Variants in RASA2 observed in about 807,000 individuals in gnomAD.
RASA2 encodes the protein RAS p21 protein activator 2.
A neutral mutation model predicts 118.2 loss-of-function variants in RASA2; 155 were observed. That is an observed-to-expected ratio of 1.31 (90% confidence interval 1.15 to 1.50). The LOEUF is 1.50. Among genes scored for constraint, RASA2 ranks in the 40% most tolerant of loss-of-function variants. RASA2 has a pLI of 0.00. For synonymous variants in RASA2, 353 were observed against 349.1 expected (o/e 1.01, Z -0.12); for missense variants, 1,016 against 1,009.6 (o/e 1.01, Z -0.09).
At chr3:141,497,957 T>C (rs2081728121) in intron 1 of RASA2, among the ~76,000 whole-genome samples, 1 of 152,222 alleles carries the variant, frequency 6.6e-6, no homozygotes, top group Admixed American at 6.5e-5. Flanking sequence ...AAAAACTTTT[T>C]AAAATTTTAA....
chr3:141,563,204 A>G (rs923816972), intron 9 of RASA2, among the ~76,000 whole-genome samples: 6 of 152,200 alleles, frequency 3.9e-5, no homozygotes, highest in African/African-American at 1.4e-4. Context: ...GAGCAACTGA[A>G]TGCTACTTTC....
chr3:141,520,384 C>G (rs889041232), intron 3 of RASA2, among the ~76,000 whole-genome samples: 2 of 152,032 alleles, frequency 1.3e-5, no homozygotes, highest in Non-Finnish European at 2.9e-5. Flanking sequence ...TGTGGTGTAC[C>G]TGCTGGAGGA....
intron 4 of RASA2, among the ~76,000 whole-genome samples, chr3:141,536,504 G>A (rs1219252497): frequency 6.6e-6 from 1 of 151,952 alleles, no homozygotes; most frequent in Non-Finnish European, 1.5e-5. Flanking sequence ...AAGATAATGT[G>A]ATATTATAAC....
intron 6 of RASA2, among the ~76,000 whole-genome samples, chr3:141,555,153 C>T (rs1175993696): frequency 5.3e-5 from 8 of 152,066 alleles, no homozygotes; most frequent in African/African-American, 9.7e-5. Flanking sequence ...CCCAGCTACT[C>T]GGGAGGCTGA....
intron 15 of RASA2, 136 bp downstream of exon 15, chr3:141,577,242 G>T: frequency 1.6e-6 from 1 of 635,390 alleles, no homozygotes; most frequent in East Asian, 3.1e-5. Flanking sequence ...CATTTTTCTT[G>T]GCCATTTCAG....
chr3:141,569,506 C>T (rs2082879665), intron 9 of RASA2, among the ~76,000 whole-genome samples: 1 of 152,140 alleles, frequency 6.6e-6, no homozygotes, highest in Non-Finnish European at 1.5e-5. Flanking sequence ...TAGGTATTTA[C>T]ACTAACAACA....
At chr3:141,596,938 C>T (rs777266944) in intron 19 of RASA2, among the ~76,000 whole-genome samples, 7 of 152,208 alleles carry the variant, frequency 4.6e-5, no homozygotes, top group Non-Finnish European at 7.3e-5. Flanking sequence ...AGCAATTCCA[C>T]TGTTGGTTAC....
chr3:141,595,894 C>T (rs2083358282), intron 19 of RASA2, among the ~76,000 whole-genome samples: 1 of 152,148 alleles, frequency 6.6e-6, no homozygotes, highest in Non-Finnish European at 1.5e-5. Context: ...CTAGAATTAA[C>T]AGGTATGAGC....
rs1170060015 is a variant in RASA2, at chr3:141,612,797, A to C, written c.*484A>C. The C allele has an allele frequency of 6.6e-6, 1 of 152,574 alleles. No homozygotes were observed. The highest frequency in any genetic ancestry group is 1.5e-5 in the Non-Finnish European group (1 of 68,312). The allele number at this position is 152,574 out of a possible 1,614,324, so 9.5% of individuals were successfully genotyped here. ...CCCACTTTAAAAAAGAAAAAAAATA[A>C]GAAGTGTTTTTCCTTTGGTCCATCA... is the stretch of plus-strand genomic sequence containing the variant. On this transcript the variant is annotated 3_prime_UTR_variant, in exon 24 of 24. Transcript: ENST00000286364.
chr3:141,559,234 T>C (rs189395530), intron 8 of RASA2, among the ~76,000 whole-genome samples: 151 of 152,284 alleles, frequency 9.9e-4, no homozygotes, highest in Middle Eastern at 6.8e-3. Context: ...CCCAAATTGT[T>C]CCTTACATTT....
intron 23 of RASA2, among the ~76,000 whole-genome samples, chr3:141,611,163 GTAGT>G (rs2083645757): frequency 6.6e-6 from 1 of 152,172 alleles, no homozygotes; most frequent in Non-Finnish European, 1.5e-5. Context: ...TGCAAATTAA[GTAGT>G]TAACTTCTAC....
intron 1 of RASA2, among the ~76,000 whole-genome samples, chr3:141,489,336 G>A (rs747658085): frequency 2.0e-5 from 3 of 152,184 alleles, no homozygotes; most frequent in Non-Finnish European, 4.4e-5. Flanking sequence ...AGAACCTTGT[G>A]AAGAGATGCT....
intron 9 of RASA2, among the ~76,000 whole-genome samples, chr3:141,565,006 G>T (rs985392836): frequency 1.3e-5 from 2 of 151,486 alleles, no homozygotes; most frequent in Non-Finnish European, 2.9e-5. Flanking sequence ...ATTTTTTTGA[G>T]ATGCAGTCTC....
chr3:141,595,722 G>A (rs1056652916), intron 19 of RASA2, among the ~76,000 whole-genome samples: 10 of 151,464 alleles, frequency 6.6e-5, no homozygotes, highest in African/African-American at 2.4e-4. Context: ...TTGACCTCCT[G>A]GGCTCAAGAG....
intron 19 of RASA2, chr3:141,590,181 ATAATAT>A: frequency 2.2e-6 from 1 of 456,378 alleles, no homozygotes; most frequent in South Asian, 1.6e-5. Context: ...GCTACCATTG[ATAATAT>A]TAATTGTTAT....
chr3:141,608,908 TC>T (rs2083591820), intron 21 of RASA2, among the ~76,000 whole-genome samples: 1 of 152,168 alleles, frequency 6.6e-6, no homozygotes, highest in African/African-American at 2.4e-5. Flanking sequence ...ATAGGTAAAT[TC>T]ATAGAAACAC....
chr3:141,500,315 T>C lies in RASA2; in HGVS notation c.134-11848T>C, dbSNP rs138397960. Among the ~76,000 whole-genome samples the C allele has an allele frequency of 4.3e-3, 651 of 152,358 alleles. 5 individuals are homozygous for C. The highest frequency in any genetic ancestry group is 0.014 in the African/African-American group (594 of 41,582). ...AGACTCTTTGGAAGGTCATGTGTGA[T>C]AAAGACAGTTCTTCTCTTCCTTTCT... On this transcript the variant is annotated intron_variant, in intron 1 of 23. Transcript: ENST00000286364.
chr3:141,518,966 A>G (rs566954582), intron 3 of RASA2, among the ~76,000 whole-genome samples: 28 of 152,330 alleles, frequency 1.8e-4, no homozygotes, highest in African/African-American at 6.7e-4. Context: ...TTTTATTTTA[A>G]CCACATCCTT....
intron 17 of RASA2, among the ~76,000 whole-genome samples, chr3:141,583,541 C>A (rs903483854): frequency 6.6e-6 from 1 of 152,104 alleles, no homozygotes; most frequent in Non-Finnish European, 1.5e-5. Flanking sequence ...GTGCATGGTC[C>A]ATCTGGGAGA....
Sources: gnomAD v4.1 joint callset for allele counts (sites outside exome capture counted in the v4.1 genomes callset) on GRCh38, gnomAD v4.1.1 for gene constraint, MANE v1.5 for transcripts, NCBI Gene and HGNC (gene_info 2026-07-23, HGNC 2026-07-21) for gene names.